MILR1: variants seen among roughly 807,000 people sequenced by gnomAD.
MILR1 encodes allergin-1.
Under a neutral mutation model 18.5 loss-of-function variants are expected in MILR1, and 31 were observed. That is an observed-to-expected ratio of 1.68 (90% CI 1.26 to 2.26). The LOEUF is 2.26. Ranked by LOEUF, MILR1 falls within the 30% of genes most tolerant of loss-of-function variation. The pLI, the probability that MILR1 is intolerant of heterozygous loss-of-function variation, is 0.00. For missense variants in MILR1, 257 were observed against 157.4 expected (o/e 1.63, Z -3.38); for synonymous variants, 85 against 56.2 (o/e 1.51, Z -2.30).
downstream of MILR1, among the ~76,000 whole-genome samples, chr17:64,470,092 T>C (rs571237989): frequency 6.6e-6 from 1 of 151,790 alleles, no homozygotes; most frequent in Non-Finnish European, 1.5e-5. Flanking sequence ...ATAATATGAG[T>C]TTTGTTGTTG....
Position 64,468,581 on chromosome 17 carries a change from G to GC in MILR1, c.*303dup, listed in dbSNP as rs1372848567. 3.5e-6 allele frequency: 4 copies of GC among 1,150,394 alleles called. No homozygotes were observed. Among genetic ancestry groups the GC allele is most frequent in the Non-Finnish European group, 4.3e-6 (4 of 924,594 alleles). 71.3% of individuals were successfully genotyped at this position (1,150,394 alleles called of 1,614,324 possible). On this transcript the variant is annotated 3_prime_UTR_variant, in exon 10 of 10. Coordinates refer to ENST00000619286, the MANE Select transcript of MILR1 (RefSeq NM_001085423.2). ...TGGAACTACAAGCCTGAGCCACCGT[G>GC]CCCGGCCCTGAATCGCTTTAGTAAA...
chr17:64,471,444 C>A (rs569046488), downstream of MILR1, among the ~76,000 whole-genome samples: 1 of 152,174 alleles, frequency 6.6e-6, no homozygotes, highest in Non-Finnish European at 1.5e-5. Context: ...TCCAAGCAGG[C>A]TTACCTCAGT....
intron 2 of MILR1, among the ~76,000 whole-genome samples, chr17:64,451,199 A>G (rs1269255436): frequency 6.6e-6 from 1 of 151,412 alleles, no homozygotes; most frequent in Non-Finnish European, 1.5e-5. Flanking sequence ...GCTGGAGTGC[A>G]GTGGTGCGAT....
chr17:64,494,740 T>G, the MILR1 span, among the ~76,000 whole-genome samples: 1 of 152,144 alleles, frequency 6.6e-6, no homozygotes, highest in East Asian at 1.9e-4. Context: ...CCAGCATCTG[T>G]GACCTTTTTA....
intron 4 of MILR1, among the ~76,000 whole-genome samples, chr17:64,459,992 T>TTTTATTTATTTA (rs202053813): frequency 1.3e-4 from 16 of 125,372 alleles, no homozygotes; most frequent in African/African-American, 4.0e-4. Flanking sequence ...TTTTATTTTA[T>TTTTATTTATTTA]TTTATTTATT....
chr17:64,472,779 T>C (rs552223159), downstream of MILR1, among the ~76,000 whole-genome samples: 15 of 148,690 alleles, frequency 1.0e-4, no homozygotes, highest in African/African-American at 3.7e-4. Flanking sequence ...GTACACTCTA[T>C]GCTGTTCAAA....
intron 5 of MILR1, among the ~76,000 whole-genome samples, chr17:64,462,960 A>AT (rs1435821478): frequency 1.3e-5 from 2 of 151,802 alleles, no homozygotes; most frequent in Admixed American, 6.6e-5. Context: ...ATATATACAT[A>AT]TTTTTTATTT....
At chr17:64,472,586 TATA>T (rs10582377), downstream of MILR1, among the ~76,000 whole-genome samples, 2,521 of 145,364 alleles carry the variant, frequency 0.017, 66 homozygotes, top group African/African-American at 0.06. Context: ...CCCAAAAAAC[TATA>T]ATACCGTGTT....
chr17:64,482,218 C>T, the MILR1 span, among the ~76,000 whole-genome samples: 1 of 150,924 alleles, frequency 6.6e-6, no homozygotes. Flanking sequence ...ATTCTTGTGC[C>T]TTAGCCTCCT....
chr17:64,491,095 G>T, the MILR1 span: 1 of 743,472 alleles, frequency 1.3e-6, no homozygotes, highest in Non-Finnish European at 2.3e-6. Context: ...AACTAGTCAA[G>T]TCCCGAATAC....
chr17:64,465,708 C>A (rs2037540727), intron 6 of MILR1, among the ~76,000 whole-genome samples, 167 bp downstream of exon 6: 1 of 152,100 alleles, frequency 6.6e-6, no homozygotes, highest in African/African-American at 2.4e-5. Flanking sequence ...TTTTTTAAAT[C>A]CTTCCACAGA....
At chr17:64,452,450 G>A in intron 2 of MILR1, 147 bp from the exon 3 acceptor site, 1 of 389,796 alleles carries the variant, frequency 2.6e-6, no homozygotes, top group Non-Finnish European at 4.6e-6. Flanking sequence ...ACAGGGTTTT[G>A]CCATGTTGCC....
the MILR1 span, among the ~76,000 whole-genome samples, chr17:64,483,500 T>C: frequency 2.1e-5 from 3 of 145,308 alleles, no homozygotes; most frequent in Non-Finnish European, 4.5e-5. Context: ...GGCGACAGAG[T>C]GAGATCCTGT....
chr17:64,467,533 C>T, intron 8 of MILR1, 32 bp from the exon 9 acceptor site: 1 of 1,344,778 alleles, frequency 7.4e-7, no homozygotes, highest in East Asian at 2.4e-5. Flanking sequence ...GTCACATATC[C>T]TAAGTAAATT....
chr17:64,452,732 C>T lies in MILR1; in HGVS notation c.233C>T (p.Thr78Ile). The change falls in exon 3 of 10, where the codon ACC (threonine) becomes ATC (isoleucine). Residue 78 changes from threonine to isoleucine, a missense_variant. By Grantham distance (89) the Thr-to-Ile change is moderately conservative. Coordinates refer to ENST00000619286, the MANE Select transcript of MILR1 (RefSeq NM_001085423.2). Reference sequence around the variant, plus strand: ...TTTCGACGTAAGACACACCTGGGAACCCAGGATGGAAAAGGTGAACCTGCG... The same window carrying T: ...TTTCGACGTAAGACACACCTGGGAATCCAGGATGGAAAAGGTGAACCTGCG... ...SLFRRKTHLG[T>I]QDGKGEPAIF... The T allele has an allele frequency of 4.2e-6, 2 of 475,298 alleles. No individual in the cohort carries two copies. Among genetic ancestry groups the T allele is most frequent in the Non-Finnish European group, 7.7e-6 (2 of 259,032 alleles). 29.4% of individuals were successfully genotyped at this position (475,298 alleles called of 1,614,324 possible).
intron 4 of MILR1, among the ~76,000 whole-genome samples, chr17:64,458,165 C>T (rs2144036017): frequency 6.8e-6 from 1 of 147,764 alleles, no homozygotes; most frequent in East Asian, 2.0e-4. Context: ...TCCCTTCCTT[C>T]CTTCCTTCCC....
the MILR1 span, among the ~76,000 whole-genome samples, chr17:64,482,745 C>T: frequency 2.0e-5 from 3 of 152,170 alleles, no homozygotes; most frequent in Non-Finnish European, 4.4e-5. Context: ...GCTCCAAAAC[C>T]TGAAACCTTG....
chr17:64,459,816 A>G (rs1441891497), intron 4 of MILR1, among the ~76,000 whole-genome samples: 6 of 152,192 alleles, frequency 3.9e-5, no homozygotes, highest in Non-Finnish European at 8.8e-5. Context: ...ACATGCTGCC[A>G]GGGCTCAGGG....
At chr17:64,449,649 A>C (rs1001674894) in intron 2 of MILR1, among the ~76,000 whole-genome samples, 4 of 152,158 alleles carry the variant, frequency 2.6e-5, no homozygotes, top group Admixed American at 6.5e-5. Context: ...GAAAGCCAAC[A>C]CACAGGCTGG....
Sources: allele counts gnomAD v4.1 joint callset (sites outside exome capture counted in the v4.1 genomes callset), GRCh38; gene constraint gnomAD v4.1.1; transcripts MANE v1.5; gene names NCBI Gene and HGNC (gene_info 2026-07-23, HGNC 2026-07-21).